B4GALNT3: variants seen among roughly 807,000 people sequenced by gnomAD.
The protein encoded by B4GALNT3 is beta-1,4-N-acetyl-galactosaminyltransferase 3, also known as beta-1,4-N-acetylgalactosaminyltransferase 3.
B4GALNT3 carries 86 observed loss-of-function variants against 120.2 expected under a neutral mutation model. That is an observed-to-expected ratio of 0.72 (90% CI 0.60 to 0.86). The LOEUF (loss-of-function observed/expected upper bound fraction) is 0.86, where lower values mean the gene tolerates loss of function less well. Among genes scored for constraint, B4GALNT3 ranks in the 40% least tolerant of loss-of-function variants. The pLI, the probability that B4GALNT3 is intolerant of heterozygous loss-of-function variation, is 0.00. For synonymous variants in B4GALNT3, 518 were observed against 510.4 expected (o/e 1.01, Z -0.20); for missense variants, 1,167 against 1,298.9 (o/e 0.90, Z 1.56).
intron 1 of B4GALNT3, among the ~76,000 whole-genome samples, chr12:511,461 A>G (rs1335197397): frequency 3.9e-5 from 2 of 50,684 alleles, no homozygotes; most frequent in Non-Finnish European, 6.9e-5. Flanking sequence ...ACCTTCTTCC[A>G]CCTTCCACCT....
intron 1 of B4GALNT3, among the ~76,000 whole-genome samples, chr12:487,783 G>A (rs931709082): frequency 6.6e-6 from 1 of 150,966 alleles, no homozygotes; most frequent in African/African-American, 2.4e-5. Flanking sequence ...GTAAAACCTT[G>A]TCTCTACCAA....
intron 1 of B4GALNT3, among the ~76,000 whole-genome samples, chr12:511,792 C>G (rs1946570524): frequency 1.4e-5 from 1 of 71,588 alleles, no homozygotes; most frequent in Admixed American, 1.4e-4. Context: ...CCACCTTCCA[C>G]CTTCCACCTT....
chr12:496,305 A>C (rs1008211580), intron 1 of B4GALNT3, among the ~76,000 whole-genome samples: 6 of 152,136 alleles, frequency 3.9e-5, no homozygotes, highest in Admixed American at 3.9e-4. Context: ...TGTAACATTA[A>C]CTTTTAAAGG....
Position 556,695 on chromosome 12 carries a change from A to C in B4GALNT3, c.2209A>C (p.Ile737Leu). The C allele has an allele frequency of 6.2e-7, 1 of 1,613,952 alleles. No homozygotes were observed. The highest frequency in any genetic ancestry group is 1.3e-5 in the African/African-American group (1 of 75,060). Residue 737 changes from isoleucine to leucine, a missense_variant, in exon 15 of 20, where the codon ATC becomes CTC. This residue lies in a region of B4GALNT3 where 983 missense variants were observed against 1,102.5 expected (regional missense o/e 0.89). Coordinates refer to ENST00000266383, the MANE Select transcript of B4GALNT3 (RefSeq NM_173593.4). The part of the protein sequence containing the change: ...EYVSARGWQG[I>L]DPAGGEEVEA... ...TGTGTCTGCACGAGGCTGGCAGGGC[A>C]TCGATCCAGCTGGTGGGGAGGAGGT...
chr12:536,177 C>A, intron 2 of B4GALNT3, 41 bp from the exon 3 acceptor site: 1 of 1,557,742 alleles, frequency 6.4e-7, no homozygotes, highest in Non-Finnish European at 8.9e-7. Context: ...AGCTTCTCAT[C>A]CTAATATTCC....
chr12:537,729 C>T (rs57717711), intron 3 of B4GALNT3, among the ~76,000 whole-genome samples: 1 of 152,116 alleles, frequency 6.6e-6, no homozygotes, highest in African/African-American at 2.4e-5. Context: ...TAGAACCCAG[C>T]GTCTTTAGTC....
rs965032396 is a variant in B4GALNT3, at chr12:497,341, C to T, written c.169+36796C>T. On this transcript the variant is annotated intron_variant, in intron 1 of 19. Transcript: ENST00000266383. The stretch of plus-strand genomic sequence containing the variant: ...GTTAATTTTGTATTTTTAGTAGAGA[C>T]GGGGTTTCTCCATGTTGGTCAGGCT... Among the ~76,000 whole-genome samples, 14 of 152,064 alleles carry T rather than the reference C, an allele frequency of 9.2e-5. No individual in the cohort carries two copies. In the East Asian group the frequency reaches 1.3e-3, roughly 15 times the overall value.
At chr12:499,631 CACTCCTA>C in intron 1 of B4GALNT3, among the ~76,000 whole-genome samples, 1 of 140,406 alleles carries the variant, frequency 7.1e-6, no homozygotes, top group African/African-American at 2.9e-5. Context: ...CTATCTAGAA[CACTCCTA>C]GCCCGTGGAG....
chr12:556,799 G>T lies in B4GALNT3; in HGVS notation c.2313G>T (p.Glu771Asp). ...AGGTCCTGAATACCCGGGCCCAAGAGCCCAAGCTGTGCTGGCCTCAGGGTT... is the reference window on the plus strand; with the variant it reads ...AGGTCCTGAATACCCGGGCCCAAGATCCCAAGCTGTGCTGGCCTCAGGGTT... The part of the protein sequence containing the change: ...RRQVLNTRAQ[E>D]PKLCWPQGFS... The change falls in exon 15 of 20, where the codon GAG (glutamate) becomes GAT (aspartate). Residue 771 changes from glutamate to aspartate, a missense_variant. Around this residue, in one of 3 missense-constraint regions of B4GALNT3, gnomAD observed 983 missense variants for 1,102.5 expected, o/e 0.89. Coordinates refer to ENST00000266383, the MANE Select transcript of B4GALNT3 (RefSeq NM_173593.4). 6.2e-7 allele frequency: 1 copy of T among 1,613,872 alleles called. No individual in the cohort carries two copies. The highest frequency in any genetic ancestry group is 8.5e-7 in the Non-Finnish European group (1 of 1,180,016).
intron 3 of B4GALNT3, among the ~76,000 whole-genome samples, chr12:539,552 G>A (rs59377960): frequency 0.11 from 16,504 of 145,306 alleles, 1,026 homozygotes; most frequent in Middle Eastern, 0.18. Flanking sequence ...AAAAAAAAAA[G>A]AAAGAAACAG....
chr12:501,802 G>C (rs1354030155), intron 1 of B4GALNT3, among the ~76,000 whole-genome samples: 5 of 152,222 alleles, frequency 3.3e-5, no homozygotes, highest in African/African-American at 1.2e-4. Context: ...GCCCTGTGAT[G>C]ATCCTGATTA....
intron 1 of B4GALNT3, among the ~76,000 whole-genome samples, chr12:526,267 T>G (rs908765183): frequency 6.6e-6 from 1 of 152,180 alleles, no homozygotes; most frequent in African/African-American, 2.4e-5. Flanking sequence ...GTTCACTGAC[T>G]CATTTGCTCA....
Position 528,890 on chromosome 12 carries a change from G to A in B4GALNT3, c.170-6276G>A, listed in dbSNP as rs530457894. ...CCTCCTGCTCTCTAGTGGGAGAAGG[G>A]CTCTGTTTCCGTTCAGCTCCTCTGG... On this transcript the variant is annotated intron_variant, in intron 1 of 19. Transcript: ENST00000266383. Among the ~76,000 whole-genome samples the A allele has an allele frequency of 2.0e-5, 3 of 152,296 alleles. No homozygotes were observed. In the South Asian group the frequency reaches 6.2e-4, roughly 32 times the overall value.
chr12:518,372 T>C (rs1592037337), intron 1 of B4GALNT3, among the ~76,000 whole-genome samples: 1 of 152,194 alleles, frequency 6.6e-6, no homozygotes, highest in South Asian at 2.1e-4. Context: ...GTCCCTTATA[T>C]AAAATATGGT....
chr12:514,719 A>C (rs1010852522), intron 1 of B4GALNT3, among the ~76,000 whole-genome samples: 6 of 152,120 alleles, frequency 3.9e-5, no homozygotes, highest in African/African-American at 1.4e-4. Flanking sequence ...GAATTGAATC[A>C]GAATAGTGGT....
rs182494179 is a variant in B4GALNT3, at chr12:545,345, C to G, written c.539-24C>G. The G allele has an allele frequency of 2.0e-4, 316 of 1,597,630 alleles. 4 individuals are homozygous for G. In the East Asian group the frequency reaches 4.0e-3, roughly 20 times the overall value. The stretch of plus-strand genomic sequence containing the variant: ...ATGCTGATGCCCTCCTTGCCCTCAT[C>G]TGGAAACTCTCCCCGCTGCCCAGGG... On this transcript the variant is annotated intron_variant, in intron 5 of 19. Transcript: ENST00000266383.
At chr12:541,837 C>G (rs930891709) in intron 3 of B4GALNT3, among the ~76,000 whole-genome samples, 2 of 93,558 alleles carry the variant, frequency 2.1e-5, no homozygotes, top group African/African-American at 4.0e-5. Flanking sequence ...CAGTCCCCCC[C>G]CTCACCCCCC....
rs138559969 is a variant in B4GALNT3 at position 475,883 on chromosome 12, C to T, written c.169+15338C>T. ...CTCTCCCCACAGCATTGATGGAATGCTTGGAAGAGGCAGGCAGTTCCCTTA... is the reference window on the plus strand; with the variant it reads ...CTCTCCCCACAGCATTGATGGAATGTTTGGAAGAGGCAGGCAGTTCCCTTA... On this transcript the variant is annotated intron_variant, in intron 1 of 19. Coordinates refer to ENST00000266383, the MANE Select transcript of B4GALNT3 (RefSeq NM_173593.4). Among the ~76,000 whole-genome samples, 737 of 152,306 alleles carry T rather than the reference C, an allele frequency of 4.8e-3. 7 individuals carry two copies. The highest frequency in any genetic ancestry group is 0.017 in the African/African-American group (717 of 41,582).
At chr12:535,643 C>G (rs1310081893) in intron 2 of B4GALNT3, among the ~76,000 whole-genome samples, 1 of 152,188 alleles carries the variant, frequency 6.6e-6, no homozygotes, top group Non-Finnish European at 1.5e-5. Flanking sequence ...CTGCTGAGAT[C>G]AGAGGTGACG....
Sources: gnomAD v4.1 joint callset for allele counts (sites outside exome capture counted in the v4.1 genomes callset) on GRCh38, gnomAD v4.1.1 for gene constraint, gnomAD v4.1.1 regional missense constraint, MANE v1.5 for transcripts, NCBI Gene and HGNC (gene_info 2026-07-23, HGNC 2026-07-21) for gene names.